Variants in WDR19 observed in about 807,000 individuals in gnomAD.
WDR19 encodes WD repeat domain 19, also known as WD repeat-containing protein 19.
A neutral mutation model predicts 180.0 loss-of-function variants in WDR19; 121 were observed. That is an observed-to-expected ratio of 0.67 (90% confidence interval 0.58 to 0.78). The LOEUF is 0.78. Ranked by LOEUF, WDR19 falls within the 30% of genes least tolerant of loss-of-function variation. The pLI is 0.00. For missense variants in WDR19, 1,450 were observed against 1,640.7 expected (o/e 0.88, Z 2.01); for synonymous variants, 497 against 540.7 (o/e 0.92, Z 1.12).
At chr4:39,241,462 C>G (rs1731933908) in intron 21 of WDR19, among the ~76,000 whole-genome samples, 1 of 147,902 alleles carries the variant, frequency 6.8e-6, no homozygotes, top group Non-Finnish European at 1.5e-5. Context: ...CCATTGCACC[C>G]CAGCCTGGGC....
At chr4:39,185,265 AC>A (rs1725394735) in intron 1 of WDR19, among the ~76,000 whole-genome samples, 1 of 152,228 alleles carries the variant, frequency 6.6e-6, no homozygotes. Context: ...AACTAATGGA[AC>A]TAATAGAAGA....
Position 39,224,888 on chromosome 4 carries a change from G to T in WDR19, c.1484G>T (p.Gly495Val). The T allele has an allele frequency of 6.7e-7, 1 of 1,486,660 alleles. No individual in the cohort carries two copies. Among genetic ancestry groups the T allele is most frequent in the Non-Finnish European group, 8.9e-7 (1 of 1,117,652 alleles). 92.1% of individuals were successfully genotyped at this position (1,486,660 alleles called of 1,614,324 possible). ...TGGATTTTTTTTTTTTTTTAGACTG[G>T]TGTCGTTCAGTATTTCTACATTGAA... is the stretch of plus-strand genomic sequence containing the variant. ...SDFLIYGTDT[G>V]VVQYFYIEDW... Residue 495 changes from glycine (G) to valine (V), a missense_variant, in exon 15 of 37, where the codon GGT becomes GTT. By Grantham distance (109) the Gly-to-Val change is moderately radical. Transcript: ENST00000399820.
At chr4:39,283,689 G>A (rs1560575954) in intron 36 of WDR19, among the ~76,000 whole-genome samples, 2 of 151,808 alleles carry the variant, frequency 1.3e-5, no homozygotes, top group East Asian at 3.9e-4. Flanking sequence ...CTTTTTAAAG[G>A]AAATTATAAA....
intron 6 of WDR19, among the ~76,000 whole-genome samples, chr4:39,202,524 A>G (rs1727471368): frequency 6.6e-6 from 1 of 152,160 alleles, no homozygotes; most frequent in Non-Finnish European, 1.5e-5. Context: ...ATATGACAAC[A>G]TATTCTGTTG....
chr4:39,256,992 AGT>A (rs1733825335), intron 27 of WDR19, among the ~76,000 whole-genome samples: 2 of 152,214 alleles, frequency 1.3e-5, no homozygotes, highest in African/African-American at 4.8e-5. Flanking sequence ...TTTCTTCCTA[AGT>A]GTGGTGTTAC....
chr4:39,191,812 T>C (rs1726175746), intron 4 of WDR19, among the ~76,000 whole-genome samples: 1 of 152,218 alleles, frequency 6.6e-6, no homozygotes, highest in Admixed American at 6.5e-5. Context: ...TAAAATTCTT[T>C]TAAGCCCATG....
Position 39,277,071 on chromosome 4 carries a change from C to T in WDR19, c.3768C>T (p.Cys1256=). The T allele has an allele frequency of 6.2e-7, 1 of 1,613,912 alleles. No homozygotes were observed. The highest frequency in any genetic ancestry group is 1.1e-5 in the South Asian group (1 of 91,070). The change falls in exon 34 of 37, where the codon TGC becomes TGT. Residue 1256 remains cysteine (C), a synonymous_variant. Transcript: ENST00000399820. ...AGGCCACGACTCCATGTCCATTCTG[C>T]AAATTTCTTCTCCCAGAGTGTGAAC... ...IEEATTPCPF[C]KFLLPECELL...
intron 24 of WDR19, among the ~76,000 whole-genome samples, chr4:39,247,281 T>C (rs993715356): frequency 1.3e-5 from 2 of 152,188 alleles, no homozygotes; most frequent in Non-Finnish European, 2.9e-5. Flanking sequence ...CCAACAGACC[T>C]GCAGCTGAGG....
At chr4:39,202,923 G>T (rs898644635) in intron 6 of WDR19, among the ~76,000 whole-genome samples, 2 of 151,862 alleles carry the variant, frequency 1.3e-5, no homozygotes, top group Non-Finnish European at 2.9e-5. Context: ...TAAAACCTTG[G>T]TAGAGGTTCT....
At chr4:39,214,818 G>C in intron 10 of WDR19, 147 bp downstream of exon 10, 1 of 551,224 alleles carries the variant, frequency 1.8e-6, no homozygotes. Flanking sequence ...TGTAGCCCTG[G>C]ATGGAATGCA....
At chr4:39,215,169 T>C (rs1325866245) in intron 10 of WDR19, among the ~76,000 whole-genome samples, 1 of 152,206 alleles carries the variant, frequency 6.6e-6, no homozygotes, top group African/African-American at 2.4e-5. Flanking sequence ...AAGATATGTC[T>C]ACTTTGATCC....
chr4:39,274,736 G>A, intron 32 of WDR19, 72 bp from the exon 33 acceptor site: 3 of 1,548,968 alleles, frequency 1.9e-6, no homozygotes, highest in South Asian at 1.2e-5. Context: ...ACAGAACCAG[G>A]GTGGAATCCC....
At chr4:39,223,003 C>T (rs1729856837) in intron 14 of WDR19, among the ~76,000 whole-genome samples, 1 of 152,066 alleles carries the variant, frequency 6.6e-6, no homozygotes, top group Non-Finnish European at 1.5e-5. Context: ...TTTCACTCAG[C>T]AGACTTCTCT....
chr4:39,238,108 C>T (rs1731555564), intron 20 of WDR19: 1 of 152,198 alleles, frequency 6.6e-6, no homozygotes. Flanking sequence ...AATGTACACA[C>T]ACCCTAGCCC....
chr4:39,195,621 A>T (rs1273565588), intron 5 of WDR19, among the ~76,000 whole-genome samples: 1 of 152,152 alleles, frequency 6.6e-6, no homozygotes, highest in Non-Finnish European at 1.5e-5. Flanking sequence ...AGCCAAGAAG[A>T]AACATCTATT....
At chr4:39,280,646 AAACC>A (rs1163473238) in intron 36 of WDR19, among the ~76,000 whole-genome samples, 1 of 151,880 alleles carries the variant, frequency 6.6e-6, no homozygotes, top group African/African-American at 2.4e-5. Flanking sequence ...CAGGCTCAAA[AAACC>A]AACCAACCAA....
intron 24 of WDR19, among the ~76,000 whole-genome samples, chr4:39,250,998 G>C (rs1333037856): frequency 1.3e-5 from 2 of 152,018 alleles, no homozygotes; most frequent in African/African-American, 4.8e-5. Context: ...CACAGACTTG[G>C]AAAAAACTAC....
At chr4:39,240,895 G>A (rs551071116) in intron 21 of WDR19, among the ~76,000 whole-genome samples, 111 of 150,444 alleles carry the variant, frequency 7.4e-4, no homozygotes, top group African/African-American at 2.6e-3. Flanking sequence ...GGATGAGGTT[G>A]CAGTGAGCCA....
In WDR19 at chr4:39,270,895, A is replaced by ATTTT. The variant is rs33964549; in HGVS notation, c.3483+809_3483+812dup. On this transcript the variant is annotated intron_variant, in intron 31 of 36. Transcript: ENST00000399820. ...GAAAGTTTAAAAAATATAGAAAAGA[A>ATTTT]TTTTTTTTTTTTTTTTTGAGATGGA... Among the ~76,000 whole-genome samples the ATTTT allele has an allele frequency of 1.2e-4, 17 of 136,930 alleles. 1 individual carries two copies. Among genetic ancestry groups the ATTTT allele is most frequent in the Admixed American group, 2.2e-4 (3 of 13,354 alleles). 89.8% of individuals were successfully genotyped at this position (136,930 alleles called of 152,430 possible). A position where few individuals can be genotyped will look rare whatever the true frequency, so the allele number is the denominator to read the frequency against.
Sources: gnomAD v4.1 joint callset for allele counts (sites outside exome capture counted in the v4.1 genomes callset) on GRCh38, gnomAD v4.1.1 for gene constraint, MANE v1.5 for transcripts, NCBI Gene and HGNC (gene_info 2026-07-23, HGNC 2026-07-21) for gene names.